Variants in TNFSF11 observed in about 807,000 individuals in gnomAD.
TNFSF11 encodes tumor necrosis factor ligand superfamily member 11.
A neutral mutation model predicts 32.2 loss-of-function variants in TNFSF11; 12 were observed. The ratio of observed to expected loss-of-function variants is 0.37; its 90% CI spans 0.24 to 0.60. The LOEUF is 0.60. Ranked by LOEUF, TNFSF11 falls within the 20% of genes least tolerant of loss-of-function variation. The pLI, the probability that TNFSF11 is intolerant of heterozygous loss-of-function variation, is 0.66. For synonymous variants in TNFSF11, 172 were observed against 152.1 expected (o/e 1.13, Z -0.96); for missense variants, 345 against 398.0 (o/e 0.87, Z 1.13).
At chr13:42,575,557 A>T (rs1365532196) in intron 1 of TNFSF11, among the ~76,000 whole-genome samples, 1 of 152,202 alleles carries the variant, frequency 6.6e-6, no homozygotes, top group African/African-American at 2.4e-5. Context: ...ACCAAACGGG[A>T]TGCATCAAAA....
chr13:42,570,152 A>C (rs191112119), upstream of TNFSF11, among the ~76,000 whole-genome samples: 1 of 152,188 alleles, frequency 6.6e-6, no homozygotes, highest in Non-Finnish European at 1.5e-5. Context: ...AAATGACTGA[A>C]CATGAACAGC....
At position 42,607,791 on chromosome 13, in the gene TNFSF11, T is replaced by C. The variant is rs1316181144; in HGVS notation, c.*873T>C. On this transcript the variant is annotated 3_prime_UTR_variant, in exon 5 of 5. Transcript: ENST00000398795. ...CCAAAAAGGATACATAATGGGCCAC[T>C]GAAATCTGTCAAGAGTAGTTATATA... 1 of 152,678 alleles carries C rather than the reference T, an allele frequency of 6.5e-6. No individual in the cohort carries two copies. Among genetic ancestry groups the C allele is most frequent in the African/African-American group, 2.4e-5 (1 of 41,458 alleles). The allele number at this position is 152,678 out of a possible 1,614,324, so 9.5% of individuals were successfully genotyped here. A position where few individuals can be genotyped will look rare whatever the true frequency, so the allele number is the denominator to read the frequency against.
intron 4 of TNFSF11, among the ~76,000 whole-genome samples, chr13:42,604,944 C>T (rs1869375602): frequency 1.3e-5 from 2 of 152,130 alleles, no homozygotes; most frequent in Admixed American, 6.5e-5. Context: ...CCACCGCGCC[C>T]AGCTAATTTT....
At chr13:42,590,562 T>C (rs977988106) in intron 2 of TNFSF11, among the ~76,000 whole-genome samples, 31 of 152,290 alleles carry the variant, frequency 2.0e-4, no homozygotes, top group African/African-American at 7.5e-4. Context: ...TTTGTCAATG[T>C]AGAAAGCACT....
intron 1 of TNFSF11, among the ~76,000 whole-genome samples, chr13:42,566,454 C>T (rs977739810): frequency 4.4e-4 from 67 of 152,144 alleles, no homozygotes; most frequent in African/African-American, 1.5e-3. Context: ...CAAATAAACT[C>T]AGCAGCTTGT....
chr13:42,593,211 A>C (rs1219086077), intron 2 of TNFSF11, among the ~76,000 whole-genome samples: 4 of 152,224 alleles, frequency 2.6e-5, no homozygotes, highest in African/African-American at 9.6e-5. Context: ...GGAAATTCCA[A>C]AGGCTTTAGG....
chr13:42,603,500 C>T lies in TNFSF11; in HGVS notation c.532+2519C>T, dbSNP rs1256167428. ...CTGGTATTATCTGCTTCTGAGTCCTCTCTTCACACTGACTGGCTCTCCTCC... is the reference window on the plus strand; with the variant it reads ...CTGGTATTATCTGCTTCTGAGTCCTTTCTTCACACTGACTGGCTCTCCTCC... On this transcript the variant is annotated intron_variant, in intron 4 of 4. Transcript: ENST00000398795. 3.3e-5 allele frequency among the ~76,000 whole-genome samples: 5 copies of T among 152,170 alleles called. 1 individual carries two copies. The highest frequency in any genetic ancestry group is 7.3e-5 in the Non-Finnish European group (5 of 68,036).
In TNFSF11 at chr13:42,599,380, C is replaced by T. The variant is rs192168276; in HGVS notation, c.388-1372C>T. ...TCTATCTATCTATCTATCTATCTAT[C>T]TATCTGTCTATCTCAAAGCCCTCCT... is the stretch of plus-strand genomic sequence containing the variant. On this transcript the variant is annotated intron_variant, in intron 2 of 4. Coordinates refer to ENST00000398795, the MANE Select transcript of TNFSF11 (RefSeq NM_003701.4). 5.2e-3 allele frequency among the ~76,000 whole-genome samples: 781 copies of T among 151,360 alleles called. 8 individuals are homozygous for T. The highest frequency in any genetic ancestry group is 7.5e-3 in the Non-Finnish European group (506 of 67,694).
chr13:42,576,531 G>C (rs1466519934), intron 1 of TNFSF11, among the ~76,000 whole-genome samples: 1 of 152,140 alleles, frequency 6.6e-6, no homozygotes, highest in Non-Finnish European at 1.5e-5. Flanking sequence ...TCAGACTTCT[G>C]GGTACGGTTT....
At chr13:42,597,699 C>A (rs548735964) in intron 2 of TNFSF11, among the ~76,000 whole-genome samples, 1 of 152,186 alleles carries the variant, frequency 6.6e-6, no homozygotes, top group Non-Finnish European at 1.5e-5. Context: ...TCAGGCCCCA[C>A]CCCAAATCTA....
chr13:42,574,363 C>T lies in TNFSF11; in HGVS notation c.60C>T (p.Gly20=). The change falls in exon 1 of 5, where the codon GGC becomes GGT. Residue 20 remains glycine, a synonymous_variant. Transcript: ENST00000398795. ...KYLRGSEEMG[G]GPGAPHEGPL... ...TGCGTGGCTCGGAGGAGATGGGCGGCGGCCCCGGAGCCCCGCACGAGGGCC... is the reference window on the plus strand; with the variant it reads ...TGCGTGGCTCGGAGGAGATGGGCGGTGGCCCCGGAGCCCCGCACGAGGGCC... 1.3e-6 allele frequency: 2 copies of T among 1,541,680 alleles called. No individual in the cohort carries two copies. Among genetic ancestry groups the T allele is most frequent in the African/African-American group, 1.4e-5 (1 of 72,230 alleles).
chr13:42,602,149 C>G (rs1194915018), intron 4 of TNFSF11, among the ~76,000 whole-genome samples: 3 of 152,166 alleles, frequency 2.0e-5, no homozygotes, highest in Non-Finnish European at 4.4e-5. Context: ...GGGTTTGAGG[C>G]TCCATTGTCC....
chr13:42,600,957 A>G lies in TNFSF11; in HGVS notation c.508A>G (p.Ile170Val), dbSNP rs201220225. 63 of 1,614,170 alleles carry G rather than the reference A, an allele frequency of 3.9e-5. No individual in the cohort carries two copies. Among genetic ancestry groups the G allele is most frequent in the Non-Finnish European group, 4.8e-5 (57 of 1,180,012 alleles). Residue 170 changes from isoleucine to valine, a missense_variant, in exon 4 of 5, where the codon ATT (isoleucine) becomes GTT (valine). Ile to Val is a conservative substitution (Grantham distance 29). Around this residue, in one of 2 missense-constraint regions of TNFSF11, gnomAD observed 148 missense variants for 216.0 expected, o/e 0.69. Transcript: ENST00000398795. ...AGCTCAGCCTTTTGCTCATCTCACT[A>G]TTAATGCCACCGACATCCCATCTGG... ...LEAQPFAHLTINATDIPSGSH... is the reference protein window; with the variant it reads ...LEAQPFAHLTVNATDIPSGSH...
intron 2 of TNFSF11, among the ~76,000 whole-genome samples, chr13:42,596,527 C>T (rs1390805802): frequency 1.3e-5 from 2 of 152,102 alleles, no homozygotes; most frequent in Non-Finnish European, 2.9e-5. Flanking sequence ...CATACAGATC[C>T]AGAGACCAAA....
At chr13:42,574,088 T>C (rs1873172719), upstream of TNFSF11, 4 of 593,304 alleles carry the variant, frequency 6.7e-6, no homozygotes, top group South Asian at 8.2e-5. Context: ...CGCCTGGGGC[T>C]GATTGGCTCC....
At chr13:42,592,642 A>G (rs928667879) in intron 2 of TNFSF11, among the ~76,000 whole-genome samples, 2 of 152,180 alleles carry the variant, frequency 1.3e-5, no homozygotes, top group African/African-American at 4.8e-5. Context: ...GTTGATGTCA[A>G]CCGGGAGGTC....
In TNFSF11 at chr13:42,578,943, G is replaced by C. The variant is rs577794834; in HGVS notation, c.220-2183G>C. Among the ~76,000 whole-genome samples the C allele has an allele frequency of 1.6e-4, 24 of 152,334 alleles. No homozygotes were observed. The South Asian group carries it at 5.0e-3, about 32-fold the overall frequency. ...AATAGCAGAAAATCTATATTTTAAA[G>C]CATGACTTCTCAAACTTTAATGTGT... is the stretch of plus-strand genomic sequence containing the variant. On this transcript the variant is annotated intron_variant, in intron 1 of 4. Transcript: ENST00000398795.
chr13:42,603,053 A>G (rs1869263111), intron 4 of TNFSF11, among the ~76,000 whole-genome samples: 1 of 152,210 alleles, frequency 6.6e-6, no homozygotes, highest in African/African-American at 2.4e-5. Flanking sequence ...GGCTGGGCCC[A>G]CAACTCCTTG....
chr13:42,606,867 G>A lies in TNFSF11; in HGVS notation c.903G>A (p.Pro301=), dbSNP rs9566999. ...TCTCCAACCCCTCCTTACTGGATCC[G>A]GATCAGGATGCAACATACTTTGGGG... ...IEVSNPSLLD[P]DQDATYFGAF... Residue 301 remains proline, a synonymous_variant, in exon 5 of 5, where the codon CCG becomes CCA. Coordinates refer to ENST00000398795, the MANE Select transcript of TNFSF11 (RefSeq NM_003701.4). 95 of 1,614,148 alleles carry A rather than the reference G, an allele frequency of 5.9e-5. No individual in the cohort carries two copies. In the East Asian group the frequency reaches 6.5e-4, roughly 11 times the overall value.
Sources: allele counts gnomAD v4.1 joint callset (sites outside exome capture counted in the v4.1 genomes callset), GRCh38; gene constraint gnomAD v4.1.1; regional missense constraint gnomAD v4.1.1; transcripts MANE v1.5; gene names NCBI Gene and HGNC (gene_info 2026-07-23, HGNC 2026-07-21).